The following ACSM6 variants were observed in gnomAD, a reference collection of about 807,000 sequenced individuals.
The protein encoded by ACSM6 is acyl-coenzyme A synthetase ACSM6, mitochondrial.
A neutral mutation model predicts 51.1 loss-of-function variants in ACSM6; 35 were observed. The ratio of observed to expected loss-of-function variants is 0.69; its 90% CI spans 0.52 to 0.91. ACSM6 has a LOEUF of 0.91. ACSM6 is among the 40% of genes least tolerant of loss of function. ACSM6 has a pLI of 0.00. For missense variants in ACSM6, 509 were observed against 584.1 expected (o/e 0.87, Z 1.32); for synonymous variants, 172 against 207.3 (o/e 0.83, Z 1.46).
At chr10:95,214,893 G>A in exon 8 of ACSM6, 1 of 1,551,570 alleles carries the variant, frequency 6.4e-7, no homozygotes, top group Non-Finnish European at 8.7e-7. Context: ...GCTGCAGGAG[G>A]ACCCATCAGC....
chr10:95,225,482 C>A, intron 10 of ACSM6, 91 bp downstream of exon 10: 1 of 960,428 alleles, frequency 1.0e-6, no homozygotes, highest in Non-Finnish European at 1.5e-6. Flanking sequence ...TTGCCAAATA[C>A]TTTTGTCCCA....
intron 3 of ACSM6, among the ~76,000 whole-genome samples, chr10:95,202,411 A>G (rs545514964): frequency 6.6e-6 from 1 of 152,302 alleles, no homozygotes; most frequent in Admixed American, 6.5e-5. Flanking sequence ...CTTGTCTATT[A>G]AATATGGACA....
At chr10:95,228,390 C>A (rs1216087061) in intron 10 of ACSM6, 1 of 393,866 alleles carries the variant, frequency 2.5e-6, no homozygotes, top group African/African-American at 2.1e-5. Context: ...AGCCTCAGGA[C>A]AAACCTCTGA....
intron 5 of ACSM6, among the ~76,000 whole-genome samples, chr10:95,211,217 A>T (rs2034890124): frequency 6.6e-6 from 1 of 152,212 alleles, no homozygotes; most frequent in Non-Finnish European, 1.5e-5. Context: ...ATGTCATCAC[A>T]CCACCCCTTT....
exon 11 of ACSM6, chr10:95,228,855 G>A (rs76324293): frequency 0.012 from 15,707 of 1,337,290 alleles, 137 homozygotes; most frequent in Middle Eastern, 0.02. Flanking sequence ...CTTCCAATAC[G>A]TAGGAATTAT....
At chr10:95,203,659 T>C (rs2133375287) in intron 3 of ACSM6, among the ~76,000 whole-genome samples, 1 of 152,202 alleles carries the variant, frequency 6.6e-6, no homozygotes, top group South Asian at 2.1e-4. Context: ...TGAAGGATAC[T>C]GGAAAGGAGC....
At chr10:95,226,111 G>A (rs894618976) in intron 10 of ACSM6, 6 of 152,154 alleles carry the variant, frequency 3.9e-5, no homozygotes, top group Non-Finnish European at 8.8e-5. Context: ...TGATTAAGGA[G>A]GTGAGTGCCA....
intron 2 of ACSM6, among the ~76,000 whole-genome samples, chr10:95,197,789 G>A (rs1416602828): frequency 6.6e-6 from 1 of 152,220 alleles, no homozygotes; most frequent in Non-Finnish European, 1.5e-5. Context: ...GTCGGGCTGG[G>A]GGACAGTCAG....
At chr10:95,197,814 A>T (rs2034749435) in intron 2 of ACSM6, among the ~76,000 whole-genome samples, 2 of 152,220 alleles carry the variant, frequency 1.3e-5, no homozygotes, top group South Asian at 4.1e-4. Flanking sequence ...TTCTCATCCC[A>T]CGAGGCCATA....
intron 2 of ACSM6, among the ~76,000 whole-genome samples, chr10:95,200,587 A>AAAGAAG (rs960056800): frequency 7.9e-6 from 1 of 126,870 alleles, no homozygotes; most frequent in Non-Finnish European, 1.7e-5. Context: ...GAAGATGAAG[A>AAAGAAG]AAGAAGAAGA....
chr10:95,210,849 G>A, intron 5 of ACSM6, 56 bp downstream of exon 5: 1 of 1,557,718 alleles, frequency 6.4e-7, no homozygotes, highest in East Asian at 2.3e-5. Context: ...GCAGGTAAAG[G>A]GAGCTTCATG....
intron 2 of ACSM6, among the ~76,000 whole-genome samples, chr10:95,195,755 T>C (rs2034718826): frequency 6.6e-6 from 1 of 151,808 alleles, no homozygotes; most frequent in African/African-American, 2.4e-5. Context: ...GTAAGGAAAG[T>C]GGACAAAACA....
At chr10:95,201,118 C>T (rs1001843852) in intron 2 of ACSM6, among the ~76,000 whole-genome samples, 9 of 152,160 alleles carry the variant, frequency 5.9e-5, no homozygotes, top group East Asian at 1.9e-4. Flanking sequence ...GAATCCTATC[C>T]GCTAGGAGGA....
intron 4 of ACSM6, among the ~76,000 whole-genome samples, chr10:95,207,895 C>T (rs1280927152): frequency 1.3e-5 from 2 of 152,120 alleles, no homozygotes; most frequent in African/African-American, 4.8e-5. Flanking sequence ...AATCCTAGCA[C>T]TTTGGGAGGC....
chr10:95,209,311 G>A (rs527566119), intron 4 of ACSM6, among the ~76,000 whole-genome samples: 150 of 152,272 alleles, frequency 9.9e-4, no homozygotes, highest in Non-Finnish European at 1.2e-3. Flanking sequence ...CCTGAAGTGC[G>A]GAGAGTGGGG....
exon 8 of ACSM6, chr10:95,214,960 T>C: frequency 3.2e-6 from 5 of 1,551,600 alleles, no homozygotes; most frequent in Non-Finnish European, 3.5e-6. Context: ...ATGAAGGCTA[T>C]GGGCAGACGG....
At chr10:95,200,498 A>G (rs1196560243) in intron 2 of ACSM6, among the ~76,000 whole-genome samples, 1 of 151,860 alleles carries the variant, frequency 6.6e-6, no homozygotes, top group African/African-American at 2.4e-5. Context: ...GAAGAAGAAG[A>G]AAAGAAGAAG....
At position 95,213,042 on chromosome 10, in the gene ACSM6, G is replaced by A. The variant is rs552936508; in HGVS notation, c.995+102G>A. The stretch of plus-strand genomic sequence containing the variant: ...TGAAGTAGATCCAATCTTACCCTCC[G>A]GTAACACACTTGTCTTGTTGCCATT... On this transcript the variant is annotated intron_variant, in intron 7 of 10. Transcript: ENST00000341686. 1.1e-4 allele frequency: 105 copies of A among 918,750 alleles called. 1 individual carries two copies. The East Asian group carries it at 2.0e-3, about 18-fold the overall frequency. The allele number at this position is 918,750 out of a possible 1,614,324, so 56.9% of individuals were successfully genotyped here. A position where few individuals can be genotyped will look rare whatever the true frequency, so the allele number is the denominator to read the frequency against.
chr10:95,227,064 G>A (rs1044437480), intron 10 of ACSM6, among the ~76,000 whole-genome samples: 1 of 150,822 alleles, frequency 6.6e-6, no homozygotes, highest in Admixed American at 6.6e-5. Context: ...TTGGCTCACT[G>A]CAACCTCCAC....
Sources: gnomAD v4.1 joint callset for allele counts (sites outside exome capture counted in the v4.1 genomes callset) on GRCh38, gnomAD v4.1.1 for gene constraint, MANE v1.5 for transcripts, NCBI Gene and HGNC (gene_info 2026-07-23, HGNC 2026-07-21) for gene names.